The following POGLUT1 variants were observed in gnomAD, a reference collection of about 807,000 sequenced individuals.
POGLUT1 encodes protein O-glucosyltransferase 1, also known as 9630046K23Rik.
POGLUT1 carries 32 observed loss-of-function variants against 61.3 expected under a neutral mutation model. The ratio of observed to expected loss-of-function variants is 0.52; its 90% confidence interval spans 0.39 to 0.70. The LOEUF (loss-of-function observed/expected upper bound fraction) is 0.70, where lower values mean the gene tolerates loss of function less well. POGLUT1 is among the 30% of genes least tolerant of loss of function. POGLUT1 has a pLI of 0.00. For synonymous variants in POGLUT1, 158 were observed against 158.2 expected, an observed-to-expected ratio of 1.00 and a Z score of 0.01; for missense variants, 411 against 469.8, an observed-to-expected ratio of 0.87 and a Z score of 1.16.
chr3:119,487,128 C>T, intron 7 of POGLUT1, 196 bp downstream of exon 7: 1 of 584,058 alleles, frequency 1.7e-6, no homozygotes, highest in African/African-American at 1.9e-5. Context: ...CATATTATGA[C>T]TAGTATATTG....
chr3:119,480,069 A>G lies in POGLUT1; in HGVS notation c.475A>G (p.Ile159Val). The change falls in exon 5 of 11, where the codon ATC becomes GTC. Residue 159 changes from isoleucine (I) to valine (V), a missense_variant. Transcript: ENST00000295588. ...GTTGAAGACATCAGAGTACCATGAT[A>G]TCATGTATCCTGCTTGGACATTTTG... The part of the protein sequence containing the change: ...SFSKTSEYHD[I>V]MYPAWTFWEG... 2 of 1,613,730 alleles carry G rather than the reference A, an allele frequency of 1.2e-6. No individual in the cohort carries two copies. Among genetic ancestry groups the G allele is most frequent in the Non-Finnish European group, 1.7e-6 (2 of 1,179,748 alleles).
At position 119,469,866 on chromosome 3, in the gene POGLUT1, G is replaced by A. The variant is rs1376582355; in HGVS notation, c.132G>A (p.Glu44=). 1 of 1,609,086 alleles carries A rather than the reference G, an allele frequency of 6.2e-7. No homozygotes were observed. The highest frequency in any genetic ancestry group is 1.1e-5 in the South Asian group (1 of 90,994). Residue 44 remains glutamate (E), a synonymous_variant, in exon 2 of 11, where the codon GAG becomes GAA. Transcript: ENST00000295588. The stretch of plus-strand genomic sequence containing the variant: ...TTGACCAAATTAACAGGTCTTTGGA[G>A]AATTACGAACCATGTTCAAGTCAAA... ...VFIDQINRSL[E]NYEPCSSQNC...
intron 9 of POGLUT1, 102 bp from the exon 10 acceptor site, chr3:119,491,416 C>A (rs1339862188): frequency 5.8e-6 from 3 of 513,536 alleles, no homozygotes; most frequent in Non-Finnish European, 1.1e-5. Context: ...CCACCATCCA[C>A]ATACCTAAAA....
At chr3:119,471,728 C>T in intron 3 of POGLUT1, 1 of 408,312 alleles carries the variant, frequency 2.4e-6, no homozygotes, top group East Asian at 5.5e-5. Flanking sequence ...AGCGGCAGGA[C>T]ACAGGCTGAT....
intron 1 of POGLUT1, 118 bp downstream of exon 1, chr3:119,469,224 TG>T: frequency 1.3e-6 from 1 of 791,514 alleles, no homozygotes; most frequent in Non-Finnish European, 2.1e-6. Context: ...AGCTCGGAGC[TG>T]GGCAGAAGGC....
At position 119,488,914 on chromosome 3, in the gene POGLUT1, C is replaced by T; in HGVS notation, c.739-15C>T. The T allele has an allele frequency of 1.3e-6, 2 of 1,516,566 alleles. No individual in the cohort carries two copies. Among genetic ancestry groups the T allele is most frequent in the Non-Finnish European group, 1.8e-6 (2 of 1,094,154 alleles). The allele number at this position is 1,516,566 out of a possible 1,614,324, so 93.9% of individuals were successfully genotyped here. On this transcript the variant is annotated splice_polypyrimidine_tract_variant and intron_variant, in intron 7 of 10. Coordinates refer to ENST00000295588, the MANE Select transcript of POGLUT1 (RefSeq NM_152305.3). ...CTGTTGCTGTTAATACTAATAACTT[C>T]CTTTCCACTTAAAGGATACCTTAGG...
At chr3:119,485,493 T>C (rs2081654586) in intron 6 of POGLUT1, 106 bp downstream of exon 6, 2 of 643,052 alleles carry the variant, frequency 3.1e-6, no homozygotes, top group Non-Finnish European at 2.7e-6. Flanking sequence ...AAAGCTAAGA[T>C]AACAAAGAAA....
intron 3 of POGLUT1, among the ~76,000 whole-genome samples, chr3:119,473,088 T>G (rs2081495043): frequency 6.6e-6 from 1 of 152,166 alleles, no homozygotes; most frequent in Non-Finnish European, 1.5e-5. Context: ...AATATCTCAC[T>G]ACCCTGAGGA....
chr3:119,486,877 A>G lies in POGLUT1; in HGVS notation c.683A>G (p.Asn228Ser). ...CCTCTCATTCTTCTGTCTCGGAAAA[A>G]CCCAAAACTTGTTGATGCAGAATAC... ...RDPLILLSRKNPKLVDAEYTK... is the reference protein window; with the variant it reads ...RDPLILLSRKSPKLVDAEYTK... Residue 228 changes from asparagine (N) to serine (S), a missense_variant, in exon 7 of 11, where the codon AAC (asparagine) becomes AGC (serine). By Grantham distance (46) the Asn-to-Ser change is conservative (BLOSUM62 1). Transcript: ENST00000295588. 1 of 1,613,854 alleles carries G rather than the reference A, an allele frequency of 6.2e-7. No homozygotes were observed. Among genetic ancestry groups the G allele is most frequent in the Non-Finnish European group, 8.5e-7 (1 of 1,179,834 alleles).
chr3:119,483,634 T>C (rs1477520913), intron 5 of POGLUT1, among the ~76,000 whole-genome samples: 1 of 152,250 alleles, frequency 6.6e-6, no homozygotes, highest in African/African-American at 2.4e-5. Flanking sequence ...TACCTAACAG[T>C]ATGTATGGTG....
Position 119,490,676 on chromosome 3 carries a change from G to T in POGLUT1, c.923G>T (p.Trp308Leu), listed in dbSNP as rs892175865. 1.9e-6 allele frequency: 3 copies of T among 1,614,108 alleles called. No homozygotes were observed. The highest frequency in any genetic ancestry group is 2.5e-6 in the Non-Finnish European group (3 of 1,180,006). Residue 308 changes from tryptophan to leucine, a missense_variant, in exon 9 of 11, where the codon TGG becomes TTG. Trp to Leu is a moderately conservative substitution (Grantham distance 61). Coordinates refer to ENST00000295588, the MANE Select transcript of POGLUT1 (RefSeq NM_152305.3). The stretch of plus-strand genomic sequence containing the variant: ...TTCTTCTATCCACAGCTGAAGCCAT[G>T]GGTTCACTATATCCCAGTCAAAACA... ...LEFFYPQLKP[W>L]VHYIPVKTDL...
At chr3:119,490,079 A>T (rs900740007) in intron 8 of POGLUT1, 2 of 156,442 alleles carry the variant, frequency 1.3e-5, no homozygotes, top group Non-Finnish European at 2.8e-5. Flanking sequence ...GAGACCTTCG[A>T]CCAGATGGGG....
Position 119,471,364 on chromosome 3 carries a change from G to A in POGLUT1, c.232G>A (p.Ala78Thr), listed in dbSNP as rs773187042. 5.1e-5 allele frequency: 82 copies of A among 1,613,720 alleles called. No homozygotes were observed. In the Admixed American group the frequency reaches 1.3e-3, roughly 27 times the overall value. The change falls in exon 3 of 11, where the codon GCA (alanine) becomes ACA (threonine). Residue 78 changes from alanine to threonine, a missense_variant. Coordinates refer to ENST00000295588, the MANE Select transcript of POGLUT1 (RefSeq NM_152305.3). ...FRGGISRKMM[A>T]EVVRRKLGTH... ...AGGAGGCATCTCCAGGAAGATGATG[G>A]CAGAGGTAGTCAGACGGAAGCTAGG... is the stretch of plus-strand genomic sequence containing the variant.
At chr3:119,489,668 T>A (rs752808768) in intron 8 of POGLUT1, 4 of 151,940 alleles carry the variant, frequency 2.6e-5, no homozygotes, top group African/African-American at 4.8e-5. Flanking sequence ...GAAAATTGAT[T>A]AGGTTTTCCT....
chr3:119,482,612 TGAA>T (rs2081618735), intron 5 of POGLUT1, among the ~76,000 whole-genome samples: 1 of 152,260 alleles, frequency 6.6e-6, no homozygotes, highest in African/African-American at 2.4e-5. Flanking sequence ...TTTATTCAAT[TGAA>T]TTTATTCATG....
intron 5 of POGLUT1, among the ~76,000 whole-genome samples, chr3:119,483,252 G>A (rs1349537546): frequency 2.0e-5 from 3 of 152,178 alleles, no homozygotes; most frequent in Non-Finnish European, 4.4e-5. Context: ...GTTTCTTAGA[G>A]CAGAAAGTTG....
chr3:119,482,334 TA>T (rs1285094635), intron 5 of POGLUT1, among the ~76,000 whole-genome samples: 10 of 152,238 alleles, frequency 6.6e-5, no homozygotes, highest in African/African-American at 2.4e-4. Flanking sequence ...TGTATCTAAG[TA>T]ATCTTTCCAT....
intron 6 of POGLUT1, among the ~76,000 whole-genome samples, chr3:119,486,201 T>G (rs2081661708): frequency 6.6e-6 from 1 of 152,184 alleles, no homozygotes; most frequent in Non-Finnish European, 1.5e-5. Context: ...ACTTCAAGAG[T>G]TTTAGGACTC....
chr3:119,491,870 G>A (rs2107719327), intron 10 of POGLUT1, among the ~76,000 whole-genome samples: 1 of 152,202 alleles, frequency 6.6e-6, no homozygotes, highest in African/African-American at 2.4e-5. Flanking sequence ...GCCTAGCCAT[G>A]GTGAAACCCC....
Sources: allele counts gnomAD v4.1 joint callset (sites outside exome capture counted in the v4.1 genomes callset), GRCh38; gene constraint gnomAD v4.1.1; transcripts MANE v1.5; gene names NCBI Gene and HGNC (gene_info 2026-07-23, HGNC 2026-07-21).